C2CD3: variants seen among roughly 807,000 people sequenced by gnomAD.
C2CD3 encodes the protein C2 domain-containing protein 3.
A neutral mutation model predicts 234.0 loss-of-function variants in C2CD3; 148 were observed. That is an observed-to-expected ratio of 0.63 (90% CI 0.55 to 0.72). The LOEUF (loss-of-function observed/expected upper bound fraction) is 0.72. Ranked by LOEUF, C2CD3 falls within the 30% of genes least tolerant of loss-of-function variation. The probability of loss-of-function intolerance (pLI) is 0.00; values close to 1 mark genes in which losing one functional copy is unlikely to be tolerated. For missense variants in C2CD3, 2,577 were observed against 2,811.5 expected (o/e 0.92, Z 1.89); for synonymous variants, 1,000 against 1,035.4 (o/e 0.97, Z 0.66).
chr11:74,077,800 TA>T (rs1383448882), intron 23 of C2CD3, among the ~76,000 whole-genome samples: 9 of 9,306 alleles, frequency 9.7e-4, no homozygotes, highest in South Asian at 2.8e-3. Context: ...TATATATATA[TA>T]TATATATATA....
intron 31 of C2CD3, among the ~76,000 whole-genome samples, chr11:74,030,848 G>A (rs917956442): frequency 6.6e-6 from 1 of 152,144 alleles, no homozygotes; most frequent in African/African-American, 2.4e-5. Flanking sequence ...TCCAGTAAAT[G>A]ATATCACCTG....
chr11:74,155,285 T>A (rs189096715), intron 3 of C2CD3, among the ~76,000 whole-genome samples: 1 of 152,242 alleles, frequency 6.6e-6, no homozygotes, highest in Non-Finnish European at 1.5e-5. Context: ...TATTATTGTA[T>A]GAATTGACAT....
At chr11:74,039,016 G>T (rs1197069917) in intron 29 of C2CD3, among the ~76,000 whole-genome samples, 1 of 152,082 alleles carries the variant, frequency 6.6e-6, no homozygotes, top group African/African-American at 2.4e-5. Context: ...CCAAATGAGA[G>T]GACAAAGTTG....
chr11:74,147,425 A>G (rs1181005535), intron 3 of C2CD3, among the ~76,000 whole-genome samples: 4 of 152,176 alleles, frequency 2.6e-5, no homozygotes. Context: ...TTAAATAACA[A>G]CAGCAACGAC....
chr11:74,092,434 A>T lies in C2CD3; in HGVS notation c.3499T>A (p.Leu1167Met). ...CAATTACCTGATGACTGGTTCCTCA[A>T]TTCTTTCCTGTTCTCAATCCTGGGG... ...LTPRIENRKELRNQSSGLLDV... is the reference protein window; with the variant it reads ...LTPRIENRKEMRNQSSGLLDV... The change falls in exon 19 of 33, where the codon TTG becomes ATG. Residue 1167 changes from leucine to methionine, a missense_variant. Physicochemically the swap from Leu to Met is conservative, Grantham distance 15. Transcript: ENST00000334126. The T allele has an allele frequency of 1.2e-6, 2 of 1,613,824 alleles. No homozygotes were observed. Among genetic ancestry groups the T allele is most frequent in the Non-Finnish European group, 1.7e-6 (2 of 1,179,806 alleles).
intron 3 of C2CD3, among the ~76,000 whole-genome samples, chr11:74,157,988 T>C (rs1279867139): frequency 6.6e-6 from 1 of 152,240 alleles, no homozygotes; most frequent in Non-Finnish European, 1.5e-5. Flanking sequence ...AATACCCACA[T>C]GCAGGAGAAT....
chr11:74,110,082 A>AAAATAAATAAATAAATAAAT lies in C2CD3; in HGVS notation c.1844-950_1844-931dup, dbSNP rs56925936. Among the ~76,000 whole-genome samples the AAAATAAATAAATAAATAAAT allele has an allele frequency of 3.7e-3, 539 of 144,536 alleles. 3 individuals carry two copies. The highest frequency in any genetic ancestry group is 0.027 in the Middle Eastern group (8 of 292). 94.8% of individuals were successfully genotyped at this position (144,536 alleles called of 152,430 possible). ...GGCAACAGAGTGAGACTCTGTCTCA[A>AAAATAAATAAATAAATAAAT]AAATAAATAAATAAATAAATAAAAT... On this transcript the variant is annotated intron_variant, in intron 11 of 32. Coordinates refer to ENST00000334126, the MANE Select transcript of C2CD3 (RefSeq NM_001286577.2).
chr11:74,069,661 A>G (rs1404660024), intron 24 of C2CD3, among the ~76,000 whole-genome samples: 1 of 152,226 alleles, frequency 6.6e-6, no homozygotes, highest in Non-Finnish European at 1.5e-5. Flanking sequence ...GTTAACTAGC[A>G]TTGAGAAGAA....
Position 74,161,444 on chromosome 11 carries a change from A to C in C2CD3, c.438T>G (p.Phe146Leu). 1 of 1,600,468 alleles carries C rather than the reference A, an allele frequency of 6.2e-7. No individual in the cohort carries two copies. Among genetic ancestry groups the C allele is most frequent in the Non-Finnish European group, 8.5e-7 (1 of 1,172,566 alleles). Residue 146 changes from phenylalanine (F) to leucine (L), a missense_variant, in exon 3 of 33, where the codon TTT (phenylalanine) becomes TTG (leucine). Transcript: ENST00000334126. Reference sequence around the variant, plus strand: ...TAGACGTTGATGAAACAATGGTAAAAAATCCATTGATTTGATGGGTTGGAG... The same window carrying C: ...TAGACGTTGATGAAACAATGGTAAACAATCCATTGATTTGATGGGTTGGAG... Reference protein sequence around the residue: ...QLSPTHQINGFFTIVSSTSKK... With the variant: ...QLSPTHQINGLFTIVSSTSKK...
chr11:74,054,545 T>TGTTAACA, intron 26 of C2CD3, 62 bp downstream of exon 26: 1 of 855,784 alleles, frequency 1.2e-6, no homozygotes, highest in South Asian at 1.7e-5. Flanking sequence ...AATGGTAGAT[T>TGTTAACA]GTTAACAGGA....
At chr11:74,128,388 T>C (rs1322011024) in intron 7 of C2CD3, 1 of 152,172 alleles carries the variant, frequency 6.6e-6, no homozygotes, top group African/African-American at 2.4e-5. Flanking sequence ...TTAATTTTGA[T>C]GGAATCCAAT....
chr11:74,117,289 G>T (rs1468627957), intron 9 of C2CD3, among the ~76,000 whole-genome samples: 1 of 123,134 alleles, frequency 8.1e-6, no homozygotes, highest in Non-Finnish European at 1.7e-5. Context: ...AACATAGTGA[G>T]ACCCCGTCTC....
chr11:74,071,351 AC>A (rs1954782283), intron 24 of C2CD3, among the ~76,000 whole-genome samples: 1 of 152,100 alleles, frequency 6.6e-6, no homozygotes, highest in African/African-American at 2.4e-5. Flanking sequence ...CCTGATTTCC[AC>A]CCTGCAGTGA....
intron 24 of C2CD3, among the ~76,000 whole-genome samples, chr11:74,062,534 T>C (rs915782761): frequency 7.9e-5 from 12 of 152,022 alleles, no homozygotes; most frequent in Non-Finnish European, 1.5e-4. Flanking sequence ...ACTGGGTACA[T>C]AACGAAATGA....
intron 28 of C2CD3, among the ~76,000 whole-genome samples, chr11:74,044,477 T>A (rs529072935): frequency 1.3e-5 from 2 of 152,210 alleles, no homozygotes; most frequent in African/African-American, 4.8e-5. Context: ...AGCTATAATT[T>A]GCAAATATTT....
At chr11:74,169,346 T>G (rs1200696634) in intron 1 of C2CD3, among the ~76,000 whole-genome samples, 1 of 152,214 alleles carries the variant, frequency 6.6e-6, no homozygotes, top group Non-Finnish European at 1.5e-5. Flanking sequence ...TTCTAAAAAA[T>G]TTTCCTTTAA....
chr11:74,050,128 T>C (rs1037066636), intron 26 of C2CD3, among the ~76,000 whole-genome samples: 4 of 152,170 alleles, frequency 2.6e-5, no homozygotes, highest in African/African-American at 9.7e-5. Flanking sequence ...TTTAAGAACT[T>C]ATTTTTCCTA....
chr11:74,028,295 T>A lies in C2CD3; in HGVS notation c.6913A>T (p.Thr2305Ser), dbSNP rs1348473057. 6.5e-7 allele frequency: 1 copy of A among 1,535,378 alleles called. No homozygotes were observed. The highest frequency in any genetic ancestry group is 1.2e-5 in the South Asian group (1 of 84,040). The change falls in exon 32 of 33, where the codon ACA (threonine) becomes TCA (serine). Residue 2305 changes from threonine (T) to serine (S), a missense_variant. Transcript: ENST00000334126. ...LSATLPPAATTDQDKSEATRG... is the reference protein window; with the variant it reads ...LSATLPPAATSDQDKSEATRG... ...GTTGGCCATTCTCTTACCTGATCTG[T>A]TGTGGCTGCTGGTGGCAAAGTTGCT...
intron 24 of C2CD3, 44 bp downstream of exon 24, chr11:74,074,209 C>T (rs1356712965): frequency 1.5e-6 from 2 of 1,352,054 alleles, no homozygotes; most frequent in Non-Finnish European, 1.0e-6. Flanking sequence ...AGGAGCACAC[C>T]CTGAAGAGTT....
Sources: allele counts gnomAD v4.1 joint callset (sites outside exome capture counted in the v4.1 genomes callset), GRCh38; gene constraint gnomAD v4.1.1; transcripts MANE v1.5; gene names NCBI Gene and HGNC (gene_info 2026-07-23, HGNC 2026-07-21).